QSOX2: variants seen among roughly 807,000 people sequenced by gnomAD.
QSOX2 encodes the protein sulfhydryl oxidase 2.
In QSOX2, 46 loss-of-function variants were observed where a neutral mutation model predicts 61.7. That is an observed-to-expected ratio of 0.75 (90% CI 0.59 to 0.95). The LOEUF is 0.95. QSOX2 is among the 40% of genes least tolerant of loss of function. The pLI, the probability that QSOX2 is intolerant of heterozygous loss-of-function variation, is 0.00. For synonymous variants in QSOX2, 383 were observed against 388.4 expected, an observed-to-expected ratio of 0.99 and a Z score of 0.16; for missense variants, 879 against 918.9, an observed-to-expected ratio of 0.96 and a Z score of 0.56.
In QSOX2 at chr9:136,209,127, G is replaced by A. The variant is rs1831814834; in HGVS notation, c.1698C>T (p.Asn566=). 5 of 1,614,172 alleles carry A rather than the reference G, an allele frequency of 3.1e-6. No individual in the cohort carries two copies. The highest frequency in any genetic ancestry group is 4.2e-6 in the Non-Finnish European group (5 of 1,180,020). Reference sequence around the variant, plus strand: ...GGTCTGCGGAATACGTGTCTAAGAGGTTGTCGCGGCCATAGTGCTGCTTCA... The same window carrying A: ...GGTCTGCGGAATACGTGTCTAAGAGATTGTCGCGGCCATAGTGCTGCTTCA... ...TFLKQHYGRD[N]LLDTYSADQG... is the part of the protein sequence containing the mutation. Residue 566 remains asparagine, a synonymous_variant, in exon 12 of 12, where the codon AAC becomes AAT. Transcript: ENST00000358701. The surrounding 1 kb of genome is among the most constrained non-coding windows in gnomAD (Gnocchi z 5.6).
chr9:136,240,382 T>G (rs1830424910), intron 1 of QSOX2, among the ~76,000 whole-genome samples: 2 of 152,234 alleles, frequency 1.3e-5, no homozygotes, highest in Admixed American at 6.5e-5. Context: ...TATAGTCCAG[T>G]ATCAAATCGT....
rs144972915 is a variant in QSOX2, at chr9:136,238,693, A to G, written c.328+6783T>C. Among the ~76,000 whole-genome samples the G allele has an allele frequency of 7.2e-5, 11 of 152,336 alleles. No homozygotes were observed. In the East Asian group the frequency reaches 1.5e-3, roughly 21 times the overall value. On this transcript the variant is annotated intron_variant, in intron 1 of 11. Coordinates refer to ENST00000358701, the MANE Select transcript of QSOX2 (RefSeq NM_181701.4). ...GTTTCTGGTCTTCAGTTCTCCAGAGAGCAGCCAGAGAGTTTTACCTAGAAA... is the reference window on the plus strand; with the variant it reads ...GTTTCTGGTCTTCAGTTCTCCAGAGGGCAGCCAGAGAGTTTTACCTAGAAA...
At chr9:136,212,171 C>G (rs1831854522) in intron 10 of QSOX2, among the ~76,000 whole-genome samples, 1 of 152,176 alleles carries the variant, frequency 6.6e-6, no homozygotes, top group South Asian at 2.1e-4. Flanking sequence ...CAACACCTGC[C>G]CACAGGTGGC....
chr9:136,226,903 T>A (rs760379442), intron 1 of QSOX2, 29 bp from the exon 2 acceptor site: 1 of 1,588,422 alleles, frequency 6.3e-7, no homozygotes, highest in East Asian at 2.2e-5. Flanking sequence ...ACCTTCAGTG[T>A]GGTGAGCACT....
chr9:136,216,446 T>C (rs1225224204), intron 9 of QSOX2, among the ~76,000 whole-genome samples, 154 bp downstream of exon 9: 1 of 152,248 alleles, frequency 6.6e-6, no homozygotes, highest in Non-Finnish European at 1.5e-5. Context: ...CAGGAGGCCA[T>C]GGCCATGATG....
chr9:136,222,658 A>G lies in QSOX2; in HGVS notation c.676-717T>C, dbSNP rs2131057451. 6.6e-6 allele frequency among the ~76,000 whole-genome samples: 1 copy of G among 152,216 alleles called. No individual in the cohort carries two copies. The highest frequency in any genetic ancestry group is 2.4e-5 in the African/African-American group (1 of 41,494). On this transcript the variant is annotated intron_variant, in intron 5 of 11. Transcript: ENST00000358701. The surrounding 1 kb of genome is among the most constrained non-coding windows in gnomAD (Gnocchi z 6.9). Reference sequence around the variant, plus strand: ...GCCACACTGGTCTCTGCTCTGGGCCATGCCGTGACTCTGTGCTGAAGAGCA... The same window carrying G: ...GCCACACTGGTCTCTGCTCTGGGCCGTGCCGTGACTCTGTGCTGAAGAGCA...
Position 136,239,531 on chromosome 9 carries a change from G to GT in QSOX2, c.328+5944dup, listed in dbSNP as rs536998851. ...GGACCTCCCTGCTTTGTTCCCTGCTGTTCCTCCAACAGATGAATTTCCAGC... is the reference window on the plus strand; with the variant it reads ...GGACCTCCCTGCTTTGTTCCCTGCTGTTTCCTCCAACAGATGAATTTCCAGC... On this transcript the variant is annotated intron_variant, in intron 1 of 11. Coordinates refer to ENST00000358701, the MANE Select transcript of QSOX2 (RefSeq NM_181701.4). 2.3e-4 allele frequency among the ~76,000 whole-genome samples: 35 copies of GT among 152,342 alleles called. No individual in the cohort carries two copies. The South Asian group carries it at 3.3e-3, about 14-fold the overall frequency.
Position 136,211,388 on chromosome 9 carries a change from C to T in QSOX2, c.1425G>A (p.Gly475=). Reference sequence around the variant, plus strand: ...CAAAGTGCTCACCACATTCCTTACACCCAAAGAAGGTGTGAACGTACCTCC... The same window carrying T: ...CAAAGTGCTCACCACATTCCTTACATCCAAAGAAGGTGTGAACGTACCTCC... ...TMRRYVHTFF[G]CKECGEHFEE... The change falls in exon 11 of 12, where the codon GGG becomes GGA. Residue 475 remains glycine, a synonymous_variant. Transcript: ENST00000358701. 6.2e-7 allele frequency: 1 copy of T among 1,614,224 alleles called. No homozygotes were observed.
intron 10 of QSOX2, among the ~76,000 whole-genome samples, 182 bp from the exon 11 acceptor site, chr9:136,211,634 G>A (rs769764107): frequency 2.6e-5 from 4 of 152,158 alleles, no homozygotes; most frequent in Non-Finnish European, 5.9e-5. Context: ...TGTCCAACAC[G>A]CCCACGGGTG....
In QSOX2 at chr9:136,209,185, G is replaced by C. The variant is rs779195053; in HGVS notation, c.1640C>G (p.Ala547Gly). The change falls in exon 12 of 12, where the codon GCC (alanine) becomes GGC (glycine). Residue 547 changes from alanine (A) to glycine (G), a missense_variant. By Grantham distance (60) the Ala-to-Gly change is moderately conservative. Transcript: ENST00000358701. The surrounding 1 kb of genome is among the most constrained non-coding windows in gnomAD (Gnocchi z 5.6). ...GAGCACGTGGCCTTCATCCCAGCTG[G>C]CCAGGCCCTTAATTTCCTCATGGCA... ...PACHEEIKGL[A>G]SWDEGHVLTF... 6.2e-7 allele frequency: 1 copy of C among 1,614,156 alleles called. No homozygotes were observed. The highest frequency in any genetic ancestry group is 1.1e-5 in the South Asian group (1 of 91,084).
At chr9:136,244,589 C>T (rs1402269325) in intron 1 of QSOX2, among the ~76,000 whole-genome samples, 1 of 152,200 alleles carries the variant, frequency 6.6e-6, no homozygotes, top group South Asian at 2.1e-4. Context: ...CCTGCCAAAC[C>T]TCACTGGGTC....
chr9:136,245,161 G>A (rs1258819893), intron 1 of QSOX2, among the ~76,000 whole-genome samples: 2 of 152,102 alleles, frequency 1.3e-5, no homozygotes, highest in Non-Finnish European at 2.9e-5. Context: ...GATACGGGAG[G>A]GCTTCCCTAT....
intron 10 of QSOX2, among the ~76,000 whole-genome samples, chr9:136,212,166 C>T (rs1049259355): frequency 6.6e-6 from 1 of 152,208 alleles, no homozygotes; most frequent in Non-Finnish European, 1.5e-5. Context: ...GAAAGCAACA[C>T]CTGCCCACAG....
At chr9:136,211,772 G>A (rs1326066527) in intron 10 of QSOX2, among the ~76,000 whole-genome samples, 4 of 152,258 alleles carry the variant, frequency 2.6e-5, no homozygotes, top group East Asian at 1.9e-4. Flanking sequence ...TTCCAGGGGC[G>A]CCTCCCACCT....
chr9:136,213,122 C>T (rs560046898), intron 10 of QSOX2, among the ~76,000 whole-genome samples: 15 of 152,120 alleles, frequency 9.9e-5, no homozygotes, highest in East Asian at 3.9e-4. Context: ...TGCGTGTGCC[C>T]GTGTGATCAG....
chr9:136,218,733 G>A lies in QSOX2; in HGVS notation c.1032C>T (p.Ser344=), dbSNP rs146448254. Residue 344 remains serine (S), a synonymous_variant, in exon 8 of 12, where the codon TCC becomes TCT. Coordinates refer to ENST00000358701, the MANE Select transcript of QSOX2 (RefSeq NM_181701.4). ...LLRVELAAHK[S]LAGAELKTLK... ...GCGTCTTCAGCTCTGCTCCGGCCAG[G>A]GACTTGTGGGCTGCCAGCTCCACCC... is the stretch of plus-strand genomic sequence containing the variant. 5.3e-5 allele frequency: 85 copies of A among 1,613,752 alleles called. No individual in the cohort carries two copies. In the African/African-American group the frequency reaches 1.1e-3, roughly 20 times the overall value.
rs1479933218 is a variant in QSOX2, at chr9:136,226,851, C to T, written c.352G>A (p.Ala118Thr). The T allele has an allele frequency of 1.9e-6, 3 of 1,614,152 alleles. No homozygotes were observed. Among genetic ancestry groups the T allele is most frequent in the Admixed American group, 1.7e-5 (1 of 60,028 alleles). Residue 118 changes from alanine (A) to threonine (T), a missense_variant, in exon 2 of 12, where the codon GCA becomes ACA. Coordinates refer to ENST00000358701, the MANE Select transcript of QSOX2 (RefSeq NM_181701.4). ...TTCTCTTCCATGCAGTCCAGAGCTG[C>T]GACGCGAATGGCACTGGCCCAGTCT... ...VRDWASAIRVAALDCMEEKNQ... is the reference protein window; with the variant it reads ...VRDWASAIRVTALDCMEEKNQ...
intron 1 of QSOX2, among the ~76,000 whole-genome samples, chr9:136,237,566 T>G (rs1214211629): frequency 2.1e-5 from 2 of 95,830 alleles, no homozygotes; most frequent in Non-Finnish European, 3.9e-5. Context: ...GCCCGTCCTG[T>G]GGCGGCGTCA....
intron 1 of QSOX2, among the ~76,000 whole-genome samples, chr9:136,232,938 A>G (rs1369344437): frequency 1.3e-5 from 2 of 150,454 alleles, no homozygotes; most frequent in Non-Finnish European, 3.0e-5. Context: ...AAAAAAAAAA[A>G]GAAAAAAGAA....
Sources: gnomAD v4.1 joint callset for allele counts (sites outside exome capture counted in the v4.1 genomes callset) on GRCh38, gnomAD v4.1.1 for gene constraint, Gnocchi (gnomAD v3.1) non-coding constraint, MANE v1.5 for transcripts, NCBI Gene and HGNC (gene_info 2026-07-23, HGNC 2026-07-21) for gene names.